Variants in PDE4B observed in about 807,000 individuals in gnomAD.
PDE4B encodes the protein phosphodiesterase 4B, also known as 3',5'-cyclic-AMP phosphodiesterase 4B.
In PDE4B, 20 loss-of-function variants were observed where a neutral mutation model predicts 82.2. That is an observed-to-expected ratio of 0.24 (90% CI 0.17 to 0.35). The LOEUF (loss-of-function observed/expected upper bound fraction) is 0.35, where lower values mean the gene tolerates loss of function less well. Ranked by LOEUF, PDE4B falls within the 10% of genes least tolerant of loss-of-function variation. PDE4B has a pLI of 1.00. For missense variants in PDE4B, 655 were observed against 907.2 expected (o/e 0.72, Z 3.57); for synonymous variants, 320 against 318.9 (o/e 1.00, Z -0.04).
chr1:66,324,370 C>T (rs575488323), intron 7 of PDE4B, among the ~76,000 whole-genome samples: 21 of 152,190 alleles, frequency 1.4e-4, no homozygotes, highest in African/African-American at 4.6e-4. Flanking sequence ...CCCTCCCAGC[C>T]GCATCATATC....
intron 3 of PDE4B, among the ~76,000 whole-genome samples, chr1:66,019,356 CTTTT>C (rs4071540): frequency 8.0e-6 from 1 of 124,774 alleles, no homozygotes. Context: ...TATTGTTATT[CTTTT>C]TTTTTTTTTT....
intron 3 of PDE4B, among the ~76,000 whole-genome samples, chr1:66,052,260 G>A (rs577153785): frequency 1.3e-5 from 2 of 152,222 alleles, no homozygotes; most frequent in Non-Finnish European, 2.9e-5. Flanking sequence ...GTTTTCACAT[G>A]TATGCATAGC....
intron 3 of PDE4B, among the ~76,000 whole-genome samples, chr1:66,151,452 C>G (rs894481307): frequency 6.6e-6 from 1 of 152,182 alleles, no homozygotes; most frequent in Non-Finnish European, 1.5e-5. Flanking sequence ...TTACTCTCTT[C>G]CAGGCATTGT....
chr1:66,045,690 AAT>A (rs1159823845), intron 3 of PDE4B, among the ~76,000 whole-genome samples: 1 of 151,236 alleles, frequency 6.6e-6, no homozygotes, highest in African/African-American at 2.4e-5. Context: ...ATAAAGATGT[AAT>A]ATATATATAG....
chr1:66,216,324 G>C (rs554562928), intron 3 of PDE4B, among the ~76,000 whole-genome samples: 1 of 151,798 alleles, frequency 6.6e-6, no homozygotes, highest in Non-Finnish European at 1.5e-5. Flanking sequence ...TGTTGGTTCT[G>C]TTTCTCTGTA....
chr1:66,346,237 A>G (rs1217417746), intron 8 of PDE4B, among the ~76,000 whole-genome samples: 1 of 152,222 alleles, frequency 6.6e-6, no homozygotes, highest in African/African-American at 2.4e-5. Context: ...CAATTAATTC[A>G]TATGTGTTAC....
chr1:66,031,839 T>C (rs544475258), intron 3 of PDE4B, among the ~76,000 whole-genome samples: 52 of 152,332 alleles, frequency 3.4e-4, no homozygotes, highest in African/African-American at 1.2e-3. Context: ...GGACTCAAAC[T>C]TTTAAACTGT....
intron 3 of PDE4B, among the ~76,000 whole-genome samples, chr1:66,151,954 T>C (rs1249636550): frequency 1.3e-5 from 2 of 152,318 alleles, no homozygotes; most frequent in Admixed American, 6.5e-5. Flanking sequence ...GAAACACTCA[T>C]TGAAGTTAAC....
intron 3 of PDE4B, among the ~76,000 whole-genome samples, chr1:66,177,162 A>T (rs988885121): frequency 1.3e-5 from 2 of 152,200 alleles, no homozygotes; most frequent in African/African-American, 4.8e-5. Flanking sequence ...AAATGAATGG[A>T]GACAGAAATG....
At chr1:65,926,360 G>A (rs1487566680) in intron 3 of PDE4B, among the ~76,000 whole-genome samples, 1 of 152,110 alleles carries the variant, frequency 6.6e-6, no homozygotes, top group African/African-American at 2.4e-5. Flanking sequence ...ATAGCTACTT[G>A]CTATGGAGAT....
At chr1:66,206,247 C>T (rs977029818) in intron 3 of PDE4B, among the ~76,000 whole-genome samples, 23 of 152,110 alleles carry the variant, frequency 1.5e-4, no homozygotes, top group African/African-American at 4.8e-4. Context: ...ATTTACCCTA[C>T]AGGAGTGATA....
At chr1:65,950,397 C>A (rs2100569756) in intron 3 of PDE4B, among the ~76,000 whole-genome samples, 1 of 152,198 alleles carries the variant, frequency 6.6e-6, no homozygotes, top group East Asian at 1.9e-4. Context: ...GGATCCCCAT[C>A]TTTACAGTCT....
intron 3 of PDE4B, among the ~76,000 whole-genome samples, chr1:66,124,559 AC>A (rs1295343687): frequency 6.6e-6 from 1 of 152,106 alleles, no homozygotes; most frequent in African/African-American, 2.4e-5. Flanking sequence ...AAGGCAAAAT[AC>A]TTTTGCTATG....
chr1:66,097,804 T>G (rs1250370488), intron 3 of PDE4B, among the ~76,000 whole-genome samples: 2 of 151,832 alleles, frequency 1.3e-5, no homozygotes, highest in African/African-American at 2.4e-5. Context: ...ATTGTCCTCG[T>G]TTTTCTATCT....
At chr1:66,219,578 G>A (rs1650793584) in intron 3 of PDE4B, among the ~76,000 whole-genome samples, 1 of 152,102 alleles carries the variant, frequency 6.6e-6, no homozygotes, top group Non-Finnish European at 1.5e-5. Flanking sequence ...CTCTACCTTT[G>A]GATTCTGCAC....
intron 8 of PDE4B, among the ~76,000 whole-genome samples, chr1:66,341,412 T>C (rs1046034062): frequency 5.9e-5 from 9 of 152,218 alleles, no homozygotes; most frequent in African/African-American, 2.2e-4. Flanking sequence ...TCATTTACGT[T>C]TCTTGAGTAA....
At chr1:66,221,491 T>A (rs925171097) in intron 3 of PDE4B, among the ~76,000 whole-genome samples, 8 of 152,164 alleles carry the variant, frequency 5.3e-5, no homozygotes, top group African/African-American at 9.7e-5. Context: ...ATGTAAAACA[T>A]ATTCAACTTA....
At position 66,010,823 on chromosome 1, in the gene PDE4B, A is replaced by G. The variant is rs149490773; in HGVS notation, c.281+91988A>G. On this transcript the variant is annotated intron_variant, in intron 3 of 16. Coordinates refer to ENST00000341517, the MANE Select transcript of PDE4B (RefSeq NM_002600.4). ...GTGATATTTAGCTCTATTTCTATGG[A>G]TGGAAGCAAGGAGAGAAAGATGATT... Among the ~76,000 whole-genome samples the G allele has an allele frequency of 5.4e-3, 803 of 147,542 alleles. 4 individuals are homozygous for G. The highest frequency in any genetic ancestry group is 0.019 in the African/African-American group (762 of 40,230).
chr1:65,917,304 C>T (rs909674955), intron 2 of PDE4B, among the ~76,000 whole-genome samples: 2 of 152,124 alleles, frequency 1.3e-5, no homozygotes, highest in African/African-American at 2.4e-5. Context: ...TTTGTTTAAA[C>T]TTTAGGAGGT....
Sources: gnomAD v4.1 joint callset for allele counts (sites outside exome capture counted in the v4.1 genomes callset) on GRCh38, gnomAD v4.1.1 for gene constraint, MANE v1.5 for transcripts, NCBI Gene and HGNC (gene_info 2026-07-23, HGNC 2026-07-21) for gene names.